ELAVL2: variants seen among roughly 807,000 people sequenced by gnomAD.
ELAVL2 encodes the protein ELAV like RNA binding protein 2.
Under a neutral mutation model 34.6 loss-of-function variants are expected in ELAVL2, and 4 were observed. The ratio of observed to expected loss-of-function variants is 0.12; its 90% CI spans 0.06 to 0.26. The LOEUF (loss-of-function observed/expected upper bound fraction) is 0.26. Ranked by LOEUF, ELAVL2 falls within the 10% of genes least tolerant of loss-of-function variation. The pLI is 1.00. For missense variants in ELAVL2, 432 were observed against 442.8 expected (o/e 0.98, Z 0.22); for synonymous variants, 193 against 154.8 (o/e 1.25, Z -1.83).
chr9:23,783,245 T>G (rs1173625139), intron 1 of ELAVL2, among the ~76,000 whole-genome samples: 1 of 152,148 alleles, frequency 6.6e-6, no homozygotes, highest in African/African-American at 2.4e-5. Context: ...ACTTTAGTCC[T>G]CCAAATTAAA....
intron 2 of ELAVL2, among the ~76,000 whole-genome samples, chr9:23,748,313 G>A (rs1415466060): frequency 6.6e-6 from 1 of 152,146 alleles, no homozygotes; most frequent in African/African-American, 2.4e-5. Context: ...GCTCAGCAGA[G>A]AATGAAGTGA....
At chr9:23,799,100 A>C (rs371965626) in intron 1 of ELAVL2, among the ~76,000 whole-genome samples, 3 of 152,226 alleles carry the variant, frequency 2.0e-5, no homozygotes, top group East Asian at 1.9e-4. Context: ...CACAATTAAG[A>C]CAGACATAAT....
At chr9:23,724,087 A>C (rs1423701307) in intron 3 of ELAVL2, among the ~76,000 whole-genome samples, 2 of 152,214 alleles carry the variant, frequency 1.3e-5, no homozygotes, top group African/African-American at 4.8e-5. Context: ...CATACTTTGC[A>C]TAAGTTTAAG....
intron 2 of ELAVL2, among the ~76,000 whole-genome samples, chr9:23,754,031 T>G (rs888162400): frequency 6.6e-6 from 1 of 152,132 alleles, no homozygotes; most frequent in African/African-American, 2.4e-5. Context: ...AAGCACAAAA[T>G]CAAAACTCCT....
chr9:23,754,133 GAC>G (rs1214561330), intron 2 of ELAVL2, among the ~76,000 whole-genome samples: 4 of 151,822 alleles, frequency 2.6e-5, no homozygotes, highest in Non-Finnish European at 1.5e-5. Flanking sequence ...TCGTGGGAGT[GAC>G]ACATATTTTT....
intron 1 of ELAVL2, among the ~76,000 whole-genome samples, chr9:23,800,404 C>G (rs1448945035): frequency 2.0e-5 from 3 of 152,114 alleles, no homozygotes; most frequent in Non-Finnish European, 4.4e-5. Flanking sequence ...TGGTAGTGCC[C>G]AAGAGCAGCT....
At chr9:23,795,071 T>C (rs1373996498) in intron 1 of ELAVL2, among the ~76,000 whole-genome samples, 1 of 152,162 alleles carries the variant, frequency 6.6e-6, no homozygotes, top group African/African-American at 2.4e-5. Context: ...TAAAATAATA[T>C]TACTGCTCTT....
At chr9:23,722,064 G>C (rs2043870748) in intron 3 of ELAVL2, among the ~76,000 whole-genome samples, 1 of 152,124 alleles carries the variant, frequency 6.6e-6, no homozygotes, top group Admixed American at 6.5e-5. Flanking sequence ...GACACTTCTG[G>C]AAATAAAACA....
Position 23,774,889 on chromosome 9 carries a change from T to C in ELAVL2, c.-15-12640A>G, listed in dbSNP as rs112111939. Among the ~76,000 whole-genome samples, 19 of 152,282 alleles carry C rather than the reference T, an allele frequency of 1.2e-4. 1 individual carries two copies. The highest frequency in any genetic ancestry group is 4.6e-4 in the African/African-American group (19 of 41,566). ...AGAATCTAGATTAATAATGTGTACA[T>C]TATGAGATCACATGGGATCAAGTTT... On this transcript the variant is annotated intron_variant, in intron 1 of 6. Coordinates refer to ENST00000397312, the MANE Select transcript of ELAVL2 (RefSeq NM_004432.5).
chr9:23,841,825 G>A, the ELAVL2 span, among the ~76,000 whole-genome samples: 1 of 152,126 alleles, frequency 6.6e-6, no homozygotes, highest in Admixed American at 6.6e-5. Context: ...CTATTGGCAT[G>A]AGAAACTAGA....
At chr9:23,798,862 C>G (rs1171308389) in intron 1 of ELAVL2, among the ~76,000 whole-genome samples, 1 of 152,098 alleles carries the variant, frequency 6.6e-6, no homozygotes, top group Non-Finnish European at 1.5e-5. Flanking sequence ...TCAGGAAATG[C>G]AGCAATCAAA....
intron 3 of ELAVL2, among the ~76,000 whole-genome samples, chr9:23,719,994 T>G (rs2043254053): frequency 6.6e-6 from 1 of 151,526 alleles, no homozygotes; most frequent in African/African-American, 2.4e-5. Context: ...CCCAGCTAAT[T>G]TTTTGTATTT....
chr9:23,748,202 G>A (rs971803280), intron 2 of ELAVL2, among the ~76,000 whole-genome samples: 6 of 150,240 alleles, frequency 4.0e-5, no homozygotes, highest in African/African-American at 1.5e-4. Flanking sequence ...AGGGAAGGGG[G>A]AGAAAAAAAT....
At chr9:23,768,670 G>A (rs1200435869) in intron 1 of ELAVL2, among the ~76,000 whole-genome samples, 1 of 152,058 alleles carries the variant, frequency 6.6e-6, no homozygotes, top group Non-Finnish European at 1.5e-5. Context: ...TTTGTGAAAA[G>A]TTGTGTATTT....
intron 5 of ELAVL2, 104 bp from the exon 6 acceptor site, chr9:23,693,590 T>A (rs2034003710): frequency 7.5e-7 from 1 of 1,325,032 alleles, no homozygotes; most frequent in Non-Finnish European, 1.1e-6. Context: ...ATCTGTACAC[T>A]GATTATATGT....
chr9:23,708,916 G>A (rs1013780439), intron 3 of ELAVL2, among the ~76,000 whole-genome samples: 10 of 152,084 alleles, frequency 6.6e-5, no homozygotes, highest in Admixed American at 6.5e-4. Context: ...GGGATTACAG[G>A]CATGAGCCAC....
At chr9:23,815,713 A>G (rs2063611134) in intron 1 of ELAVL2, among the ~76,000 whole-genome samples, 1 of 152,158 alleles carries the variant, frequency 6.6e-6, no homozygotes, top group Non-Finnish European at 1.5e-5. Context: ...CAGATGCTGA[A>G]AACTTCAGAC....
At chr9:23,770,671 A>C (rs1024326130) in intron 1 of ELAVL2, among the ~76,000 whole-genome samples, 1 of 152,226 alleles carries the variant, frequency 6.6e-6, no homozygotes, top group Non-Finnish European at 1.5e-5. Flanking sequence ...GCAAGGAAAC[A>C]ATCTCTCATA....
intron 4 of ELAVL2, among the ~76,000 whole-genome samples, chr9:23,704,464 A>G (rs972370705): frequency 1.3e-5 from 2 of 152,190 alleles, no homozygotes; most frequent in African/African-American, 4.8e-5. Flanking sequence ...CCCATACAGC[A>G]CAGCATGAAC....
Sources: allele counts gnomAD v4.1 joint callset (sites outside exome capture counted in the v4.1 genomes callset), GRCh38; gene constraint gnomAD v4.1.1; transcripts MANE v1.5; gene names NCBI Gene and HGNC (gene_info 2026-07-23, HGNC 2026-07-21).